The following LRP1B variants were observed in gnomAD, a reference collection of about 807,000 sequenced individuals.
LRP1B encodes low-density lipoprotein receptor-related protein 1B.
A neutral mutation model predicts 556.6 loss-of-function variants in LRP1B; 217 were observed. The ratio of observed to expected loss-of-function variants is 0.39; its 90% CI spans 0.35 to 0.44. The LOEUF is 0.44. LRP1B is among the 20% of genes least tolerant of loss of function. The probability of loss-of-function intolerance (pLI) is 1.00; values close to 1 mark genes in which losing one functional copy is unlikely to be tolerated. For missense variants in LRP1B, 5,053 were observed against 5,620.8 expected (o/e 0.90, Z 3.23); for synonymous variants, 2,047 against 1,865.8 (o/e 1.10, Z -2.50).
intron 1 of LRP1B, among the ~76,000 whole-genome samples, chr2:141,937,823 G>C (rs1445019707): frequency 6.6e-6 from 1 of 152,138 alleles, no homozygotes; most frequent in African/African-American, 2.4e-5. Flanking sequence ...TACAGTTTCA[G>C]AGATTACATT....
rs1686584641 is a variant in LRP1B at position 140,700,290 on chromosome 2, A to G, written c.6759T>C (p.Leu2253=). ...YSDAHFGNIQ[L]IKDNWEDRQV... is the part of the protein sequence containing the mutation. Reference sequence around the variant, plus strand: ...GTCTGTCTTCCCAGTTGTCTTTAATAAGCTGTATATTTCCAAAGTGTGCAT... The same window carrying G: ...GTCTGTCTTCCCAGTTGTCTTTAATGAGCTGTATATTTCCAAAGTGTGCAT... The change falls in exon 41 of 91, where the codon CTT becomes CTC. Residue 2253 remains leucine, a synonymous_variant. Coordinates refer to ENST00000389484, the MANE Select transcript of LRP1B (RefSeq NM_018557.3). 1 of 1,612,160 alleles carries G rather than the reference A, an allele frequency of 6.2e-7. No homozygotes were observed. Among genetic ancestry groups the G allele is most frequent in the Non-Finnish European group, 8.5e-7 (1 of 1,178,906 alleles).
intron 6 of LRP1B, among the ~76,000 whole-genome samples, chr2:141,225,459 A>G (rs942166868): frequency 6.6e-6 from 1 of 152,108 alleles, no homozygotes; most frequent in African/African-American, 2.4e-5. Context: ...ACTTTTGTAA[A>G]TCCCATAATT....
At chr2:140,885,802 A>T (rs867325838) in intron 24 of LRP1B, among the ~76,000 whole-genome samples, 8,926 of 39,862 alleles carry the variant, frequency 0.22, 920 homozygotes, top group African/African-American at 0.38. Flanking sequence ...GCAAAATTAA[A>T]AAAAAAAAAA....
intron 1 of LRP1B, among the ~76,000 whole-genome samples, chr2:141,918,439 G>A (rs1247346572): frequency 2.0e-5 from 3 of 152,126 alleles, no homozygotes; most frequent in East Asian, 1.9e-4. Flanking sequence ...TATGTATTTG[G>A]TATCGAGTGA....
chr2:141,596,866 A>G (rs944338165), intron 2 of LRP1B, among the ~76,000 whole-genome samples: 1 of 152,024 alleles, frequency 6.6e-6, no homozygotes, highest in African/African-American at 2.4e-5. Context: ...AACTTAATCC[A>G]TGTTTTAAAT....
chr2:141,902,069 AATT>A lies in LRP1B; in HGVS notation c.83-91671_83-91669del, dbSNP rs1330273554. 2.4e-4 allele frequency among the ~76,000 whole-genome samples: 9 copies of A among 37,334 alleles called. No homozygotes were observed. In the East Asian group the frequency reaches 0.38, roughly 1,556 times the overall value. The allele number at this position is 37,334 out of a possible 152,430, so 24.5% of individuals were successfully genotyped here. A position where few individuals can be genotyped will look rare whatever the true frequency, so the allele number is the denominator to read the frequency against. ...AATCATGAAAAAAGAAATAACAAAA[AATT>A]ATAGTTAAAATTTCTTACTAAAATG... On this transcript the variant is annotated intron_variant, in intron 1 of 90. Transcript: ENST00000389484.
At chr2:141,953,188 G>T (rs1196084404) in intron 1 of LRP1B, among the ~76,000 whole-genome samples, 1 of 151,998 alleles carries the variant, frequency 6.6e-6, no homozygotes, top group Admixed American at 6.6e-5. Context: ...ACTTGAATGA[G>T]AGTCAGATTT....
intron 84 of LRP1B, among the ~76,000 whole-genome samples, chr2:140,290,603 T>C (rs186448800): frequency 8.9e-4 from 136 of 152,264 alleles, no homozygotes; most frequent in African/African-American, 3.2e-3. Flanking sequence ...TTCGAATAAT[T>C]GACCTTCCTA....
chr2:142,005,815 C>G (rs1371238141), intron 1 of LRP1B, among the ~76,000 whole-genome samples: 1 of 150,192 alleles, frequency 6.7e-6, no homozygotes, highest in Non-Finnish European at 1.5e-5. Context: ...AAATTCAAAC[C>G]ATCAAAGTAG....
At chr2:140,536,311 TAAAAAAAAAAAAAA>T (rs70988404) in intron 46 of LRP1B, among the ~76,000 whole-genome samples, 5 of 61,894 alleles carry the variant, frequency 8.1e-5, no homozygotes, top group East Asian at 9.0e-4. Context: ...CCCGTCTCTT[TAAAAAAAAAAAAAA>T]AAAAAAAAAA....
chr2:141,594,302 C>G (rs1479641445), intron 2 of LRP1B, among the ~76,000 whole-genome samples: 1 of 152,012 alleles, frequency 6.6e-6, no homozygotes, highest in African/African-American at 2.4e-5. Flanking sequence ...CCTAGCTAAG[C>G]TAAGGTGCAG....
At chr2:140,975,289 T>C (rs943402527) in intron 18 of LRP1B, among the ~76,000 whole-genome samples, 5 of 151,940 alleles carry the variant, frequency 3.3e-5, no homozygotes, top group Middle Eastern at 6.8e-3. Context: ...AAGGAGGAAG[T>C]TCAGGGAATC....
At position 140,686,355 on chromosome 2, in the gene LRP1B, G is replaced by A. The variant is rs144859800; in HGVS notation, c.6799+13895C>T. Among the ~76,000 whole-genome samples the A allele has an allele frequency of 4.8e-3, 729 of 152,150 alleles. 4 individuals carry two copies. Among genetic ancestry groups the A allele is most frequent in the African/African-American group, 0.015 (631 of 41,548 alleles). Reference sequence around the variant, plus strand: ...GAAAACTCCAGAAACTCAAGGCAGGGAAAGCAAATAGAAGGCTAGCAATCA... The same window carrying A: ...GAAAACTCCAGAAACTCAAGGCAGGAAAAGCAAATAGAAGGCTAGCAATCA... On this transcript the variant is annotated intron_variant, in intron 41 of 90. Coordinates refer to ENST00000389484, the MANE Select transcript of LRP1B (RefSeq NM_018557.3).
chr2:140,863,176 TACAC>T (rs567063418), intron 27 of LRP1B, among the ~76,000 whole-genome samples: 4 of 152,022 alleles, frequency 2.6e-5, no homozygotes, highest in Non-Finnish European at 4.4e-5. Context: ...ATATATGTGT[TACAC>T]ACACACACAT....
At chr2:140,818,903 C>T (rs1484265272) in intron 31 of LRP1B, among the ~76,000 whole-genome samples, 2 of 144,286 alleles carry the variant, frequency 1.4e-5, no homozygotes, top group African/African-American at 2.6e-5. Context: ...TGCCACTGCA[C>T]TCCAGCCTGG....
chr2:141,505,306 T>C (rs1279129106), intron 2 of LRP1B, among the ~76,000 whole-genome samples: 1 of 152,060 alleles, frequency 6.6e-6, no homozygotes, highest in Non-Finnish European at 1.5e-5. Context: ...GCAAATCTTT[T>C]GTTGCAACTC....
intron 11 of LRP1B, among the ~76,000 whole-genome samples, chr2:141,037,241 TAAAGGTAATTATAACAAA>T (rs1208109984): frequency 2.0e-5 from 3 of 152,040 alleles, no homozygotes; most frequent in Non-Finnish European, 2.9e-5. Context: ...TTTGGCTCCG[TAAAGGTAATTATAACAAA>T]AACAAAACCC....
chr2:141,176,607 A>T (rs1249421), intron 7 of LRP1B, among the ~76,000 whole-genome samples: 151,841 of 152,132 alleles, frequency 1, 75,775 homozygotes, highest in Non-Finnish European at 1. Context: ...AATTACCCAG[A>T]CTCAGATAGT....
intron 35 of LRP1B, among the ~76,000 whole-genome samples, chr2:140,735,840 G>T (rs1298706440): frequency 1.3e-5 from 2 of 152,156 alleles, no homozygotes; most frequent in Non-Finnish European, 2.9e-5. Context: ...GGAGGATAGA[G>T]ATTATATACC....
Sources: allele counts gnomAD v4.1 joint callset (sites outside exome capture counted in the v4.1 genomes callset), GRCh38; gene constraint gnomAD v4.1.1; transcripts MANE v1.5; gene names NCBI Gene and HGNC (gene_info 2026-07-23, HGNC 2026-07-21).